The following RP1 variants were observed in gnomAD, a reference collection of about 807,000 sequenced individuals.
RP1 encodes oxygen-regulated protein 1.
Under a neutral mutation model 14.8 loss-of-function variants are expected in RP1, and 16 were observed. The observed-to-expected ratio is 1.08, with a 90% CI of 0.73 to 1.65. The LOEUF (loss-of-function observed/expected upper bound fraction) is 1.65, where lower values mean the gene tolerates loss of function less well. Ranked by LOEUF, RP1 falls within the 40% of genes most tolerant of loss-of-function variation. The pLI is 0.00. For missense variants in RP1, 2,631 were observed against 2,535.0 expected, an observed-to-expected ratio of 1.04 and a Z score of -0.81; for synonymous variants, 876 against 883.6, an observed-to-expected ratio of 0.99 and a Z score of 0.15.
intron 8 of RP1, among the ~76,000 whole-genome samples, chr8:54,674,259 C>T (rs575388709): frequency 3.3e-5 from 5 of 152,108 alleles, no homozygotes; most frequent in African/African-American, 9.6e-5. Context: ...AGGCAGCAGT[C>T]GTATCTCCTG....
At chr8:54,740,668 G>A (rs1809057291) in intron 19 of RP1, among the ~76,000 whole-genome samples, 1 of 151,934 alleles carries the variant, frequency 6.6e-6, no homozygotes. Flanking sequence ...GTTACAGTGA[G>A]CCAAGATCAC....
chr8:54,866,081 C>A (rs188343601), intron 28 of RP1, among the ~76,000 whole-genome samples: 33 of 139,422 alleles, frequency 2.4e-4, no homozygotes, highest in African/African-American at 1.1e-3. Context: ...TTTATCAGCA[C>A]TAGTAATTCT....
intron 19 of RP1, among the ~76,000 whole-genome samples, chr8:54,741,980 A>G (rs1809109424): frequency 1.3e-5 from 2 of 151,786 alleles, no homozygotes; most frequent in Non-Finnish European, 2.9e-5. Flanking sequence ...CCTATTTTAC[A>G]TATGAGAAAA....
At chr8:54,741,380 G>C (rs1809080822) in intron 19 of RP1, among the ~76,000 whole-genome samples, 1 of 151,764 alleles carries the variant, frequency 6.6e-6, no homozygotes, top group African/African-American at 2.4e-5. Flanking sequence ...AATCTTTCAT[G>C]CTCTATTTTT....
Position 54,628,059 on chromosome 8 carries a change from G to A in RP1, c.4177G>A (p.Val1393Ile), listed in dbSNP as rs1185319961. The A allele has an allele frequency of 6.2e-7, 1 of 1,613,940 alleles. No homozygotes were observed. Among genetic ancestry groups the A allele is most frequent in the African/African-American group, 1.3e-5 (1 of 74,944 alleles). ...GFNTLVSHQN[V>I]SNLSSCGLCL... The stretch of plus-strand genomic sequence containing the variant: ...TAATACATTGGTGTCACATCAAAAT[G>A]TCAGTAATTTAAGCTCCTGTGGCCT... The change falls in exon 4 of 4, where the codon GTC becomes ATC. Residue 1393 changes from valine to isoleucine, a missense_variant. Physicochemically the swap from Val to Ile is conservative, Grantham distance 29. Transcript: ENST00000220676.
At chr8:54,868,272 C>A (rs114023528) in intron 28 of RP1, among the ~76,000 whole-genome samples, 3 of 152,122 alleles carry the variant, frequency 2.0e-5, no homozygotes, top group East Asian at 1.9e-4. Flanking sequence ...AACAAAATGA[C>A]GCAGATGAAA....
intron 6 of RP1, among the ~76,000 whole-genome samples, chr8:54,662,852 CAA>C (rs1202918778): frequency 1.3e-5 from 2 of 152,234 alleles, no homozygotes; most frequent in East Asian, 1.9e-4. Flanking sequence ...TGCATTCTGT[CAA>C]AGTTTTATAG....
intron 1 of RP1, among the ~76,000 whole-genome samples, chr8:54,620,683 G>T (rs1805834466): frequency 6.6e-6 from 1 of 152,116 alleles, no homozygotes; most frequent in African/African-American, 2.4e-5. Context: ...CATTGCATGG[G>T]TGTATATGTG....
At chr8:54,782,488 G>T (rs1185409783) in intron 23 of RP1, among the ~76,000 whole-genome samples, 1 of 152,070 alleles carries the variant, frequency 6.6e-6, no homozygotes, top group South Asian at 2.1e-4. Context: ...GGTTTTAATT[G>T]TATTTTGGAA....
At position 54,720,884 on chromosome 8, in the gene RP1, T is replaced by C. The variant is rs77084439; in HGVS notation, c.2389+578T>C. ...ATGTATTTGTGTTCAAACCTTAAAA[T>C]GTGTTTGAACACAAAGGCTAGTAAA... On this transcript the variant is annotated intron_variant, in intron 16 of 22. Transcript: ENST00000636932. 2.3e-4 allele frequency among the ~76,000 whole-genome samples: 35 copies of C among 152,344 alleles called. No individual in the cohort carries two copies. In the East Asian group the frequency reaches 4.6e-3, roughly 20 times the overall value.
intron 7 of RP1, among the ~76,000 whole-genome samples, chr8:54,673,461 T>A (rs1467356183): frequency 6.6e-6 from 1 of 152,190 alleles, no homozygotes; most frequent in Non-Finnish European, 1.5e-5. Flanking sequence ...TTTTACTGGC[T>A]GGGTGCCGTG....
intron 27 of RP1, among the ~76,000 whole-genome samples, chr8:54,859,157 A>G (rs978234342): frequency 6.6e-6 from 1 of 151,594 alleles, no homozygotes; most frequent in Non-Finnish European, 1.5e-5. Flanking sequence ...GAGTGTTGTC[A>G]GTGTGGAGTG....
chr8:54,589,619 T>A (rs4739015), intron 1 of RP1, among the ~76,000 whole-genome samples: 6,158 of 152,290 alleles, frequency 0.04, 214 homozygotes, highest in Admixed American at 0.06. Context: ...CTGTTAAGTC[T>A]GCACTTTGCT....
intron 5 of RP1, among the ~76,000 whole-genome samples, chr8:54,655,796 T>C (rs183493225): frequency 4.9e-4 from 75 of 152,184 alleles, no homozygotes; most frequent in Middle Eastern, 6.8e-3. Context: ...GGTGGGAGGA[T>C]CACTTCAGCC....
At chr8:54,583,324 C>A (rs1263663765) in intron 1 of RP1, among the ~76,000 whole-genome samples, 1 of 152,150 alleles carries the variant, frequency 6.6e-6, no homozygotes, top group African/African-American at 2.4e-5. Context: ...GTATGTTGAA[C>A]CACCCTTGCA....
At position 54,740,812 on chromosome 8, in the gene RP1, A is replaced by C. The variant is rs900182259; in HGVS notation, c.2808+1783A>C. Among the ~76,000 whole-genome samples, 12 of 152,138 alleles carry C rather than the reference A, an allele frequency of 7.9e-5. No homozygotes were observed. The South Asian group carries it at 2.3e-3, about 29-fold the overall frequency. On this transcript the variant is annotated intron_variant, in intron 19 of 22. Coordinates refer to the RP1 transcript ENST00000636932. ...TCATCTCAGCACTTTGGGAGGCCGA[A>C]GTGGAATGGATCACCTGAGGTCAGG...
At chr8:54,566,278 A>G (rs1804404280) in intron 1 of RP1, among the ~76,000 whole-genome samples, 1 of 152,076 alleles carries the variant, frequency 6.6e-6, no homozygotes, top group African/African-American at 2.4e-5. Flanking sequence ...CTCCACCCCA[A>G]ACTTAATCAG....
At chr8:54,724,344 AC>A (rs1262167492) in intron 16 of RP1, among the ~76,000 whole-genome samples, 1 of 152,336 alleles carries the variant, frequency 6.6e-6, no homozygotes, top group East Asian at 1.9e-4. Flanking sequence ...ATTCAATAAA[AC>A]AAAAGACTTT....
intron 24 of RP1, among the ~76,000 whole-genome samples, chr8:54,805,924 T>C (rs114068988): frequency 0.029 from 4,361 of 152,210 alleles, 117 homozygotes; most frequent in African/African-American, 0.064. Flanking sequence ...TTCCTCTGAG[T>C]GAGTCCACCT....
Sources: allele counts gnomAD v4.1 joint callset (sites outside exome capture counted in the v4.1 genomes callset), GRCh38; gene constraint gnomAD v4.1.1; transcripts MANE v1.5; gene names NCBI Gene and HGNC (gene_info 2026-07-23, HGNC 2026-07-21).